Variants in SYNE2 observed in about 807,000 individuals in gnomAD.
SYNE2 encodes nesprin-2.
Under a neutral mutation model 856.3 loss-of-function variants are expected in SYNE2, and 431 were observed. The ratio of observed to expected loss-of-function variants is 0.50; its 90% CI spans 0.47 to 0.55. The LOEUF is 0.55. Ranked by LOEUF, SYNE2 falls within the 20% of genes least tolerant of loss-of-function variation. The probability of loss-of-function intolerance (pLI) is 0.00; values close to 1 mark genes in which losing one functional copy is unlikely to be tolerated. For synonymous variants in SYNE2, 2,923 were observed against 2,872.3 expected (o/e 1.02, Z -0.56); for missense variants, 8,129 against 8,023.2 (o/e 1.01, Z -0.50).
At chr14:64,009,753 G>A (rs552869971) in intron 31 of SYNE2, among the ~76,000 whole-genome samples, 1 of 152,182 alleles carries the variant, frequency 6.6e-6, no homozygotes, top group Admixed American at 6.5e-5. Flanking sequence ...TGTTCACCTA[G>A]TGACAGTACT....
At position 64,212,989 on chromosome 14, in the gene SYNE2, T is replaced by C; in HGVS notation, c.19040T>C (p.Leu6347Pro). ...FGRVSRFHRR[L>P]TSCTPGLEDE... ...AGGGTCTCCCGGTTCCACCGGCGGC[T>C]CACCTCCTGCACTCCGGTACGGGCA... The change falls in exon 105 of 116, where the codon CTC becomes CCC. Residue 6347 changes from leucine (L) to proline (P), a missense_variant. By Grantham distance (98) the Leu-to-Pro change is moderately conservative (BLOSUM62 -3). This residue lies in a region of SYNE2 where 5,410 missense variants were observed against 5,284.8 expected (regional missense o/e 1.02). Transcript: ENST00000555002. 1 of 1,613,576 alleles carries C rather than the reference T, an allele frequency of 6.2e-7. No individual in the cohort carries two copies. The highest frequency in any genetic ancestry group is 8.5e-7 in the Non-Finnish European group (1 of 1,179,964).
At chr14:63,861,301 C>T (rs1364767652) in intron 1 of SYNE2, among the ~76,000 whole-genome samples, 3 of 151,784 alleles carry the variant, frequency 2.0e-5, no homozygotes, top group South Asian at 4.2e-4. Flanking sequence ...CGCACCACCA[C>T]GCCCAGCTAA....
At chr14:63,799,237 C>T (rs912619471) in intron 1 of SYNE2, among the ~76,000 whole-genome samples, 8 of 152,096 alleles carry the variant, frequency 5.3e-5, no homozygotes, top group African/African-American at 1.9e-4. Context: ...CACCACCATG[C>T]CTGGCTAATT....
At chr14:63,870,091 G>A (rs1242815842) in intron 1 of SYNE2, among the ~76,000 whole-genome samples, 1 of 151,988 alleles carries the variant, frequency 6.6e-6, no homozygotes, top group African/African-American at 2.4e-5. Context: ...TTCCCCATTG[G>A]CCATGAGAAT....
chr14:63,791,818 G>T (rs1887742624), intron 1 of SYNE2, among the ~76,000 whole-genome samples: 1 of 152,012 alleles, frequency 6.6e-6, no homozygotes, highest in Non-Finnish European at 1.5e-5. Flanking sequence ...GGTGGCAGGT[G>T]CCTGTAGTCC....
chr14:64,176,887 T>C (rs2098437761), intron 95 of SYNE2, among the ~76,000 whole-genome samples: 3 of 152,094 alleles, frequency 2.0e-5, no homozygotes, highest in Admixed American at 2.0e-4. Context: ...AGCCTCCACC[T>C]CCCAGGTTCA....
At chr14:63,818,043 A>C (rs1171060555) in intron 1 of SYNE2, among the ~76,000 whole-genome samples, 5 of 149,302 alleles carry the variant, frequency 3.3e-5, no homozygotes, top group East Asian at 2.0e-4. Flanking sequence ...AAAAAAAAAA[A>C]AAACAAATAA....
intron 48 of SYNE2, 74 bp downstream of exon 48, chr14:64,053,731 C>A: frequency 1.4e-6 from 2 of 1,476,442 alleles, no homozygotes; most frequent in South Asian, 1.3e-5. Flanking sequence ...TTTTGGGAGG[C>A]CAAGGCTGGC....
chr14:63,898,365 T>C (rs2095287504), intron 1 of SYNE2, among the ~76,000 whole-genome samples: 1 of 152,198 alleles, frequency 6.6e-6, no homozygotes, highest in Non-Finnish European at 1.5e-5. Flanking sequence ...TCTATTTTGT[T>C]GGCATACTTT....
At chr14:64,109,277 TAA>T (rs1433834557) in intron 65 of SYNE2, among the ~76,000 whole-genome samples, 1 of 150,600 alleles carries the variant, frequency 6.6e-6, no homozygotes, top group East Asian at 1.9e-4. Context: ...ATGATGACAA[TAA>T]AGAGAAGGAG....
At chr14:64,009,730 G>A in intron 31 of SYNE2, among the ~76,000 whole-genome samples, 1 of 151,894 alleles carries the variant, frequency 6.6e-6, no homozygotes, top group South Asian at 2.1e-4. Flanking sequence ...CCTTACATCT[G>A]GTAACTTTTT....
At chr14:63,877,391 T>C (rs1321663378) in intron 1 of SYNE2, among the ~76,000 whole-genome samples, 1 of 152,174 alleles carries the variant, frequency 6.6e-6, no homozygotes, top group African/African-American at 2.4e-5. Context: ...GGTCAAAAGT[T>C]TGGCAGGAGG....
At chr14:64,150,828 G>A (rs555091622) in intron 84 of SYNE2, among the ~76,000 whole-genome samples, 1 of 152,264 alleles carries the variant, frequency 6.6e-6, no homozygotes, top group South Asian at 2.1e-4. Flanking sequence ...AGGGTGTGAG[G>A]GAGCGAGTTA....
At chr14:63,824,508 A>G (rs770202075) in intron 1 of SYNE2, among the ~76,000 whole-genome samples, 16 of 150,960 alleles carry the variant, frequency 1.1e-4, no homozygotes, top group Non-Finnish European at 1.9e-4. Flanking sequence ...GTGTGGTGGC[A>G]GGTGCCTGTA....
chr14:64,083,367 A>G (rs1175024567), intron 57 of SYNE2, among the ~76,000 whole-genome samples: 1 of 149,968 alleles, frequency 6.7e-6, no homozygotes, highest in Non-Finnish European at 1.5e-5. Flanking sequence ...GAGAGGAATG[A>G]TGCTTTTTTT....
intron 1 of SYNE2, among the ~76,000 whole-genome samples, chr14:63,861,031 G>T (rs1396999434): frequency 3.3e-5 from 5 of 152,000 alleles, no homozygotes; most frequent in Non-Finnish European, 7.4e-5. Flanking sequence ...AAGTGATTCT[G>T]ATGCATGCTC....
chr14:64,039,570 T>A (rs1391048107), intron 45 of SYNE2, among the ~76,000 whole-genome samples: 1 of 152,164 alleles, frequency 6.6e-6, no homozygotes, highest in Non-Finnish European at 1.5e-5. Flanking sequence ...AGCAACATTT[T>A]AAAAAAAGAG....
intron 6 of SYNE2, among the ~76,000 whole-genome samples, chr14:63,948,692 A>ATATATATATGTGTGTG (rs2153428168): frequency 9.8e-6 from 1 of 101,812 alleles, no homozygotes; most frequent in South Asian, 3.1e-4. Flanking sequence ...ATATGTGTGT[A>ATATATATATGTGTGTG]TATATATATA....
Position 64,052,475 on chromosome 14 carries a change from AAC to A in SYNE2, c.8565_8566del (p.Leu2856AspfsTer13). The A allele has an allele frequency of 6.2e-7, 1 of 1,613,626 alleles. No individual in the cohort carries two copies. The highest frequency in any genetic ancestry group is 8.5e-7 in the Non-Finnish European group (1 of 1,179,720). ...TTCAACTTATGGTTCAAGAAAGTGA[AAC>A]ACTGATAATTCCCAGGGTGGAGACA... ...KFQLMVQESE[T>X]LIIPRVETAA... On this transcript the variant is annotated frameshift_variant, in exon 48 of 116. Coordinates refer to ENST00000555002, the MANE Select transcript of SYNE2 (RefSeq NM_182914.3). LOFTEE classifies it high-confidence loss of function.
Sources: allele counts gnomAD v4.1 joint callset (sites outside exome capture counted in the v4.1 genomes callset), GRCh38; gene constraint gnomAD v4.1.1; regional missense constraint gnomAD v4.1.1; transcripts MANE v1.5; gene names NCBI Gene and HGNC (gene_info 2026-07-23, HGNC 2026-07-21).